The following MAF variants were observed in gnomAD, a reference collection of about 807,000 sequenced individuals.
MAF encodes the protein MAF bZIP transcription factor.
MAF carries 10 observed loss-of-function variants against 22.0 expected under a neutral mutation model. That is an observed-to-expected ratio of 0.45 (90% CI 0.28 to 0.77). The LOEUF (loss-of-function observed/expected upper bound fraction) is 0.77, where lower values mean the gene tolerates loss of function less well. MAF is among the 30% of genes least tolerant of loss of function. The probability of loss-of-function intolerance (pLI) is 0.12; values close to 1 mark genes in which losing one functional copy is unlikely to be tolerated. For synonymous variants in MAF, 337 were observed against 255.8 expected, an observed-to-expected ratio of 1.32 and a Z score of -3.03; for missense variants, 544 against 548.4, an observed-to-expected ratio of 0.99 and a Z score of 0.08.
the MAF span, among the ~76,000 whole-genome samples, chr16:79,318,859 C>T: frequency 2.0e-5 from 3 of 152,156 alleles, no homozygotes; most frequent in Non-Finnish European, 2.9e-5. Context: ...TCCAAGTTTG[C>T]AATGGGTAAG....
chr16:79,445,543 G>T, the MAF span, among the ~76,000 whole-genome samples: 3 of 152,192 alleles, frequency 2.0e-5, no homozygotes, highest in Non-Finnish European at 4.4e-5. Context: ...CAGAGTTCAG[G>T]TGCTAACCCC....
chr16:79,496,839 T>C, the MAF span, among the ~76,000 whole-genome samples: 41 of 152,310 alleles, frequency 2.7e-4, no homozygotes, highest in East Asian at 7.7e-3. Flanking sequence ...AGGTTTTGAT[T>C]TTCTAGAATC....
chr16:79,276,858 G>A, the MAF span, among the ~76,000 whole-genome samples: 23,967 of 152,020 alleles, frequency 0.16, 2,477 homozygotes, highest in Non-Finnish European at 0.23. Flanking sequence ...TGTCGGCAGG[G>A]CTGCGCTTCC....
chr16:79,215,970 C>T, the MAF span, among the ~76,000 whole-genome samples: 33 of 152,198 alleles, frequency 2.2e-4, no homozygotes, highest in Admixed American at 1.6e-3. Context: ...TCCCCATGGG[C>T]CATTTTCTCT....
intron 1 of MAF, chr16:79,594,813 T>G: frequency 7.9e-7 from 1 of 1,268,382 alleles, no homozygotes. Flanking sequence ...AACCTTCTCT[T>G]ACAGCCAGCC....
At chr16:79,597,151 C>A (rs1913581226) in intron 1 of MAF, 1 of 1,057,064 alleles carries the variant, frequency 9.5e-7, no homozygotes, top group Non-Finnish European at 1.1e-6. Context: ...AAACTCTACC[C>A]CCCTTAACAT....
At chr16:79,539,054 T>A in the MAF span, among the ~76,000 whole-genome samples, 1 of 152,138 alleles carries the variant, frequency 6.6e-6, no homozygotes, top group Non-Finnish European at 1.5e-5. Flanking sequence ...CAAAGATGAA[T>A]ACAAAGACAT....
the MAF span, among the ~76,000 whole-genome samples, chr16:79,461,998 T>A: frequency 6.6e-6 from 1 of 152,114 alleles, no homozygotes; most frequent in Non-Finnish European, 1.5e-5. Flanking sequence ...TGCCACCCAT[T>A]CCAGGAGTTT....
chr16:79,239,772 A>T, the MAF span, among the ~76,000 whole-genome samples: 1 of 152,182 alleles, frequency 6.6e-6, no homozygotes, highest in Admixed American at 6.6e-5. Flanking sequence ...GTCCAGGCAC[A>T]TTGTAGCTGC....
chr16:79,467,173 C>G, the MAF span, among the ~76,000 whole-genome samples: 1 of 152,190 alleles, frequency 6.6e-6, no homozygotes, highest in African/African-American at 2.4e-5. Flanking sequence ...CCAAATTCAT[C>G]ATTCCCTTCT....
chr16:79,349,697 T>C, the MAF span, among the ~76,000 whole-genome samples: 1 of 152,188 alleles, frequency 6.6e-6, no homozygotes, highest in Non-Finnish European at 1.5e-5. Context: ...TGGTGATGTT[T>C]GGCTTCAGTT....
the MAF span, among the ~76,000 whole-genome samples, chr16:79,410,523 G>A: frequency 3.3e-5 from 5 of 152,250 alleles, no homozygotes; most frequent in South Asian, 4.2e-4. Flanking sequence ...AGTATGAATC[G>A]TGCCCTGCGC....
the MAF span, among the ~76,000 whole-genome samples, chr16:79,350,448 C>T: frequency 2.0e-5 from 3 of 152,214 alleles, no homozygotes; most frequent in African/African-American, 7.2e-5. Context: ...CAGATCCTGG[C>T]TGATTGTCCA....
the MAF span, among the ~76,000 whole-genome samples, chr16:79,402,444 T>C: frequency 1.3e-5 from 2 of 152,182 alleles, no homozygotes; most frequent in Non-Finnish European, 2.9e-5. Context: ...GCTACAAGCA[T>C]TCTTCCAGGG....
At chr16:79,523,615 G>A in the MAF span, among the ~76,000 whole-genome samples, 9 of 152,294 alleles carry the variant, frequency 5.9e-5, no homozygotes, top group Admixed American at 1.3e-4. Context: ...ATGAGTACAC[G>A]AAGAATTGCA....
At chr16:79,530,411 TG>T in the MAF span, among the ~76,000 whole-genome samples, 29 of 152,184 alleles carry the variant, frequency 1.9e-4, no homozygotes, top group African/African-American at 7.0e-4. Context: ...AGGAAAGAGA[TG>T]TAAATATTGG....
chr16:79,391,108 C>T, the MAF span, among the ~76,000 whole-genome samples: 1 of 152,254 alleles, frequency 6.6e-6, no homozygotes, highest in East Asian at 1.9e-4. Context: ...ATCATCATAG[C>T]ACATTGCTCA....
the MAF span, among the ~76,000 whole-genome samples, chr16:79,296,092 A>G: frequency 6.6e-6 from 1 of 152,216 alleles, no homozygotes; most frequent in South Asian, 2.1e-4. Flanking sequence ...AGCTGATTCC[A>G]GCATCGTCTC....
the MAF span, among the ~76,000 whole-genome samples, chr16:79,423,759 C>G: frequency 6.6e-6 from 1 of 152,158 alleles, no homozygotes; most frequent in Non-Finnish European, 1.5e-5. Flanking sequence ...TCCTGGGAAC[C>G]AGCAACTTAA....
Sources: gnomAD v4.1 joint callset for allele counts (sites outside exome capture counted in the v4.1 genomes callset) on GRCh38, gnomAD v4.1.1 for gene constraint, MANE v1.5 for transcripts, NCBI Gene and HGNC (gene_info 2026-07-23, HGNC 2026-07-21) for gene names.